Variants in CERS3 observed in about 807,000 individuals in gnomAD.
CERS3 encodes ceramide synthase 3.
In CERS3, 33 loss-of-function variants were observed where a neutral mutation model predicts 50.3. The ratio of observed to expected loss-of-function variants is 0.66; its 90% CI spans 0.50 to 0.88. The LOEUF (loss-of-function observed/expected upper bound fraction) is 0.88, where lower values mean the gene tolerates loss of function less well. Among genes scored for constraint, CERS3 ranks in the 40% least tolerant of loss-of-function variants. The probability of loss-of-function intolerance (pLI) is 0.00; values close to 1 mark genes in which losing one functional copy is unlikely to be tolerated. For synonymous variants in CERS3, 176 were observed against 155.2 expected (o/e 1.13, Z -0.99); for missense variants, 470 against 460.3 (o/e 1.02, Z -0.19).
intron 11 of CERS3, among the ~76,000 whole-genome samples, chr15:100,419,676 T>A (rs1320787106): frequency 6.6e-6 from 1 of 151,798 alleles, no homozygotes; most frequent in African/African-American, 2.4e-5. Flanking sequence ...GAGCACATAC[T>A]GGGAAGTAAA....
At chr15:100,429,194 G>A (rs2032986577) in intron 11 of CERS3, among the ~76,000 whole-genome samples, 1 of 152,164 alleles carries the variant, frequency 6.6e-6, no homozygotes, top group South Asian at 2.1e-4. Context: ...AACAGACAAG[G>A]TGTTTGTCCT....
In CERS3 at chr15:100,490,882, G is replaced by C. The variant is rs747911784; in HGVS notation, c.223C>G (p.Arg75Gly). The C allele has an allele frequency of 8.1e-6, 13 of 1,611,166 alleles. No individual in the cohort carries two copies. The highest frequency in any genetic ancestry group is 1.3e-5 in the African/African-American group (1 of 74,838). Reference sequence around the variant, plus strand: ...AAGACAGTATTTGGTGTAACCTTTCGAACTGTCTCTTTAATGCCAAATGAT... The same window carrying C: ...AAGACAGTATTTGGTGTAACCTTTCCAACTGTCTCTTTAATGCCAAATGAT... ...AKSFGIKETVRKVTPNTVLEN... is the reference protein window; with the variant it reads ...AKSFGIKETVGKVTPNTVLEN... Residue 75 changes from arginine (R) to glycine (G), a missense_variant, in exon 4 of 12, where the codon CGA becomes GGA. Transcript: ENST00000679737.
chr15:100,417,523 C>G (rs919794542), intron 11 of CERS3, among the ~76,000 whole-genome samples: 9 of 152,042 alleles, frequency 5.9e-5, no homozygotes, highest in African/African-American at 2.2e-4. Context: ...CGCCATTGCC[C>G]AGGCTTGCTT....
Position 100,528,834 on chromosome 15 carries a change from A to C in CERS3, c.-113T>G, listed in dbSNP as rs2036868707. ...CTACCTTTCTGAAATGTCAGTCCAC[A>C]AAAGGTGCCCCTTGCTTGTGAAGTG... On this transcript the variant is annotated 5_prime_UTR_variant, in exon 1 of 12. Coordinates refer to ENST00000679737, the MANE Select transcript of CERS3 (RefSeq NM_001378789.1). The C allele has an allele frequency of 6.6e-6, 1 of 152,260 alleles. No homozygotes were observed. Among genetic ancestry groups the C allele is most frequent in the South Asian group, 2.1e-4 (1 of 4,834 alleles). The allele number at this position is 152,260 out of a possible 1,614,324, so 9.4% of individuals were successfully genotyped here.
intron 3 of CERS3, among the ~76,000 whole-genome samples, chr15:100,497,334 G>A (rs1276537166): frequency 2.6e-5 from 4 of 151,336 alleles, no homozygotes; most frequent in Admixed American, 6.6e-5. Context: ...GTGTGTGTGT[G>A]TGTATGTATA....
chr15:100,474,839 C>A (rs545919699), intron 8 of CERS3, among the ~76,000 whole-genome samples: 2 of 152,272 alleles, frequency 1.3e-5, no homozygotes, highest in East Asian at 3.9e-4. Flanking sequence ...GATGTTAGTG[C>A]GTGGTGAAGC....
intron 10 of CERS3, among the ~76,000 whole-genome samples, chr15:100,456,734 G>A (rs1352098555): frequency 6.6e-6 from 1 of 152,110 alleles, no homozygotes. Flanking sequence ...ATCACCTGAG[G>A]TCAGGAGTTT....
At chr15:100,504,586 G>A (rs1176474225) in intron 2 of CERS3, among the ~76,000 whole-genome samples, 1 of 152,108 alleles carries the variant, frequency 6.6e-6, no homozygotes, top group Non-Finnish European at 1.5e-5. Flanking sequence ...TGAGAGGGAG[G>A]AGTGAATCCT....
chr15:100,526,513 T>TGTGTGTGTGTG, intron 1 of CERS3, among the ~76,000 whole-genome samples: 1 of 151,538 alleles, frequency 6.6e-6, no homozygotes, highest in Non-Finnish European at 1.5e-5. Flanking sequence ...TGTGTGTGTG[T>TGTGTGTGTGTG]AAAAACAACT....
intron 1 of CERS3, among the ~76,000 whole-genome samples, chr15:100,538,347 C>A (rs1433647251): frequency 6.6e-6 from 1 of 152,154 alleles, no homozygotes; most frequent in Non-Finnish European, 1.5e-5. Context: ...GGACTCTGAC[C>A]CCACATTTCT....
At chr15:100,470,878 C>G (rs749908112) in intron 9 of CERS3, among the ~76,000 whole-genome samples, 3 of 151,992 alleles carry the variant, frequency 2.0e-5, no homozygotes, top group Non-Finnish European at 2.9e-5. Context: ...AAGAAATGAC[C>G]CAGTGTCTTG....
At chr15:100,418,566 A>G (rs2142081020) in intron 11 of CERS3, among the ~76,000 whole-genome samples, 1 of 145,272 alleles carries the variant, frequency 6.9e-6, no homozygotes, top group East Asian at 2.0e-4. Flanking sequence ...GTTCAGATTC[A>G]GGAAATACAG....
chr15:100,505,201 C>G (rs2036142158), intron 2 of CERS3, among the ~76,000 whole-genome samples: 1 of 152,194 alleles, frequency 6.6e-6, no homozygotes, highest in Non-Finnish European at 1.5e-5. Context: ...GGTTTCCCCC[C>G]CAATATTATT....
chr15:100,407,767 T>C (rs2031165353), intron 11 of CERS3, among the ~76,000 whole-genome samples: 2 of 152,226 alleles, frequency 1.3e-5, no homozygotes, highest in Non-Finnish European at 2.9e-5. Flanking sequence ...ATCTACATGG[T>C]ATTAGGTATT....
rs180987184 is a variant in CERS3, at chr15:100,536,458, C to T, written c.-354-7383G>A. 9.9e-5 allele frequency among the ~76,000 whole-genome samples: 15 copies of T among 152,064 alleles called. No homozygotes were observed. The East Asian group carries it at 2.5e-3, about 26-fold the overall frequency. ...TGCCACCATGCCTGGCTAGTTTTTG[C>T]ATTTTTTGTAGAGACAAGGTTTCAC... On this transcript the variant is annotated intron_variant, in intron 1 of 12. Transcript: ENST00000284382.
intron 11 of CERS3, among the ~76,000 whole-genome samples, chr15:100,425,469 A>T (rs2587832): frequency 0.38 from 56,919 of 151,782 alleles, 11,138 homozygotes; most frequent in East Asian, 0.55. Context: ...TGTAGCTATA[A>T]GATTTAATGA....
chr15:100,474,991 C>T (rs1236667501), intron 8 of CERS3, among the ~76,000 whole-genome samples: 2 of 151,862 alleles, frequency 1.3e-5, no homozygotes, highest in Admixed American at 6.6e-5. Context: ...TCAATGCACC[C>T]GTAAATGATA....
intron 4 of CERS3, among the ~76,000 whole-genome samples, chr15:100,486,438 C>T (rs1020706748): frequency 3.3e-5 from 5 of 152,274 alleles, no homozygotes; most frequent in South Asian, 4.1e-4. Context: ...TACCCACCTC[C>T]GAGGGATGAT....
At chr15:100,512,948 C>T (rs1161565395) in intron 2 of CERS3, among the ~76,000 whole-genome samples, 1 of 152,164 alleles carries the variant, frequency 6.6e-6, no homozygotes, top group African/African-American at 2.4e-5. Context: ...AATTTAATGT[C>T]TCCATGAGCC....
Sources: allele counts gnomAD v4.1 joint callset (sites outside exome capture counted in the v4.1 genomes callset), GRCh38; gene constraint gnomAD v4.1.1; transcripts MANE v1.5; gene names NCBI Gene and HGNC (gene_info 2026-07-23, HGNC 2026-07-21).